Variants in SPAST observed in about 807,000 individuals in gnomAD.
The protein encoded by SPAST is spastin.
Under a neutral mutation model 76.6 loss-of-function variants are expected in SPAST, and 30 were observed. That is an observed-to-expected ratio of 0.39 (90% CI 0.29 to 0.53). The LOEUF is 0.53. Among genes scored for constraint, SPAST ranks in the 20% least tolerant of loss-of-function variants. The probability of loss-of-function intolerance (pLI) is 0.68; values close to 1 mark genes in which losing one functional copy is unlikely to be tolerated. For missense variants in SPAST, 717 were observed against 770.5 expected, an observed-to-expected ratio of 0.93 and a Z score of 0.82; for synonymous variants, 305 against 281.0, an observed-to-expected ratio of 1.09 and a Z score of -0.86.
intron 9 of SPAST, among the ~76,000 whole-genome samples, chr2:32,135,974 A>G (rs1255786738): frequency 6.6e-6 from 1 of 151,632 alleles, no homozygotes; most frequent in Admixed American, 6.6e-5. Context: ...GCTACCTGGG[A>G]TGTTGAGGGA....
intron 4 of SPAST, among the ~76,000 whole-genome samples, chr2:32,101,028 A>G (rs942107688): frequency 6.6e-6 from 1 of 152,180 alleles, no homozygotes; most frequent in African/African-American, 2.4e-5. Flanking sequence ...TCCTTGAGGA[A>G]TCGCCACACT....
At chr2:32,079,912 G>C (rs1331059869) in intron 1 of SPAST, among the ~76,000 whole-genome samples, 1 of 152,138 alleles carries the variant, frequency 6.6e-6, no homozygotes, top group Non-Finnish European at 1.5e-5. Flanking sequence ...CTAAATATCT[G>C]TTTAAGTCCC....
At chr2:32,109,459 GT>G (rs1444060581) in intron 4 of SPAST, among the ~76,000 whole-genome samples, 1 of 151,842 alleles carries the variant, frequency 6.6e-6, no homozygotes, top group Admixed American at 6.6e-5. Context: ...TTCCCCTTCT[GT>G]TTCTTTCCTC....
chr2:32,067,118 A>G (rs1676551988), intron 1 of SPAST, among the ~76,000 whole-genome samples: 2 of 151,948 alleles, frequency 1.3e-5, no homozygotes, highest in African/African-American at 4.8e-5. Context: ...CTGGAGTGCA[A>G]TGGTATGATC....
At chr2:32,135,808 A>T (rs2148752899) in intron 9 of SPAST, among the ~76,000 whole-genome samples, 1 of 152,324 alleles carries the variant, frequency 6.6e-6, no homozygotes, top group South Asian at 2.1e-4. Context: ...CTCTCCAAAT[A>T]GGAAAGATAG....
chr2:32,079,075 A>G lies in SPAST; in HGVS notation c.416-8417A>G, dbSNP rs190554926. On this transcript the variant is annotated intron_variant, in intron 1 of 16. Transcript: ENST00000315285. ...AGGCTGATCTTGAATTCCTGGGCTC[A>G]AGTGACCCGCCCACCTCAGCCTCCC... Among the ~76,000 whole-genome samples the G allele has an allele frequency of 1.4e-3, 208 of 152,208 alleles. No individual in the cohort carries two copies. In the Middle Eastern group the frequency reaches 0.027, roughly 20 times the overall value.
intron 4 of SPAST, among the ~76,000 whole-genome samples, chr2:32,101,882 G>A (rs540707171): frequency 3.3e-5 from 5 of 152,208 alleles, no homozygotes; most frequent in South Asian, 4.1e-4. Context: ...CTGTACCTTC[G>A]TAGTATAGTT....
intron 1 of SPAST, among the ~76,000 whole-genome samples, chr2:32,075,804 T>A (rs1676937065): frequency 6.7e-6 from 1 of 148,834 alleles, no homozygotes; most frequent in Admixed American, 6.7e-5. Flanking sequence ...TCCCCCCTCC[T>A]TGGCCTCCCA....
At chr2:32,147,808 C>A (rs1573175679) in intron 16 of SPAST, among the ~76,000 whole-genome samples, 1 of 150,462 alleles carries the variant, frequency 6.6e-6, no homozygotes, top group Non-Finnish European at 1.5e-5. Flanking sequence ...ATTTTTTGTA[C>A]TTTTAGTAGA....
At chr2:32,103,697 T>G (rs1678211820) in intron 4 of SPAST, among the ~76,000 whole-genome samples, 1 of 152,218 alleles carries the variant, frequency 6.6e-6, no homozygotes. Context: ...AAAGAACATC[T>G]TTATTTCTGC....
At chr2:32,067,200 T>G (rs1676555741) in intron 1 of SPAST, among the ~76,000 whole-genome samples, 1 of 152,110 alleles carries the variant, frequency 6.6e-6, no homozygotes, top group South Asian at 2.1e-4. Flanking sequence ...CAGCTGGGAT[T>G]ACAGGTGTAT....
intron 15 of SPAST, among the ~76,000 whole-genome samples, chr2:32,145,607 A>C (rs1263762349): frequency 6.6e-6 from 1 of 152,208 alleles, no homozygotes; most frequent in Non-Finnish European, 1.5e-5. Flanking sequence ...ATTTGAAATT[A>C]ATGTGTCTAA....
At chr2:32,101,792 T>C (rs1678136130) in intron 4 of SPAST, among the ~76,000 whole-genome samples, 2 of 152,162 alleles carry the variant, frequency 1.3e-5, no homozygotes, top group Non-Finnish European at 2.9e-5. Context: ...TGTAGATGTG[T>C]GGTATTATTT....
Position 32,126,932 on chromosome 2 carries a change from A to G in SPAST, c.1099-16A>G, listed in dbSNP as rs1223764951. On this transcript the variant is annotated splice_polypyrimidine_tract_variant and intron_variant, in intron 7 of 16. Coordinates refer to ENST00000315285, the MANE Select transcript of SPAST (RefSeq NM_014946.4). ...CTCTAGAATCATAGTTGTAAACTAAAGTATATATTTTTTAGTTGTTCACAG... is the reference window on the plus strand; with the variant it reads ...CTCTAGAATCATAGTTGTAAACTAAGGTATATATTTTTTAGTTGTTCACAG... The G allele has an allele frequency of 6.4e-7, 1 of 1,564,232 alleles. No homozygotes were observed.
At chr2:32,131,788 G>A (rs1032343835) in intron 9 of SPAST, among the ~76,000 whole-genome samples, 1 of 145,018 alleles carries the variant, frequency 6.9e-6, no homozygotes, top group Admixed American at 7.4e-5. Context: ...TTAGCCTGCT[G>A]AGTAGCTGGG....
At position 32,064,148 on chromosome 2, in the gene SPAST, C is replaced by T. The variant is rs1385218846; in HGVS notation, c.317C>T (p.Ala106Val). 2.6e-6 allele frequency: 4 copies of T among 1,560,386 alleles called. No individual in the cohort carries two copies. In the South Asian group the frequency reaches 3.5e-5, roughly 14 times the overall value. The part of the protein sequence containing the change: ...APAPASASAP[A>V]PVPGGEAERV... ...GCACCTGCCTCGGCCTCGGCCCCGG[C>T]GCCGGTGCCGGGCGGCGAGGCCGAG... is the stretch of plus-strand genomic sequence containing the variant. Residue 106 changes from alanine (A) to valine (V), a missense_variant, in exon 1 of 17, where the codon GCG (alanine) becomes GTG (valine). Transcript: ENST00000315285.
chr2:32,084,274 C>T (rs903063388), intron 1 of SPAST, among the ~76,000 whole-genome samples: 1 of 151,734 alleles, frequency 6.6e-6, no homozygotes, highest in Non-Finnish European at 1.5e-5. Context: ...CATTCTCCTG[C>T]CTCAGCCTCC....
At chr2:32,085,875 C>T (rs1677455313) in intron 1 of SPAST, among the ~76,000 whole-genome samples, 1 of 151,740 alleles carries the variant, frequency 6.6e-6, no homozygotes, top group African/African-American at 2.4e-5. Context: ...AACCCCGTCT[C>T]TACTAAAAAT....
chr2:32,068,613 C>T (rs1053707762), intron 1 of SPAST, among the ~76,000 whole-genome samples: 3 of 152,180 alleles, frequency 2.0e-5, no homozygotes, highest in Non-Finnish European at 2.9e-5. Flanking sequence ...TGTGAGCCAC[C>T]GTGCCCAGCC....
Sources: gnomAD v4.1 joint callset for allele counts (sites outside exome capture counted in the v4.1 genomes callset) on GRCh38, gnomAD v4.1.1 for gene constraint, MANE v1.5 for transcripts, NCBI Gene and HGNC (gene_info 2026-07-23, HGNC 2026-07-21) for gene names.